HTR1D: variants seen among roughly 807,000 people sequenced by gnomAD.
The protein encoded by HTR1D is 5-hydroxytryptamine receptor 1D, also known as 5-HT-1D.
Under a neutral mutation model 21.1 loss-of-function variants are expected in HTR1D, and 18 were observed. The ratio of observed to expected loss-of-function variants is 0.85; its 90% CI spans 0.59 to 1.27. The LOEUF is 1.27. HTR1D is among the 50% of genes most tolerant of loss of function. HTR1D has a pLI of 0.00. For missense variants in HTR1D, 456 were observed against 481.4 expected (o/e 0.95, Z 0.49); for synonymous variants, 196 against 204.4 (o/e 0.96, Z 0.35).
chr1:23,216,134 G>A (rs1282845796), intron 1 of HTR1D, among the ~76,000 whole-genome samples: 1 of 152,260 alleles, frequency 6.6e-6, no homozygotes, highest in African/African-American at 2.4e-5. Flanking sequence ...ATGTCCTTGT[G>A]AGGAGGGCTG....
intron 1 of HTR1D, among the ~76,000 whole-genome samples, chr1:23,195,313 C>T (rs1331990916): frequency 2.0e-5 from 3 of 152,060 alleles, no homozygotes; most frequent in Non-Finnish European, 4.4e-5. Flanking sequence ...TAAAACTGTA[C>T]ACAGGGAACG....
In HTR1D at chr1:23,204,813, C is replaced by T. The variant is rs377673405; in HGVS notation, c.-782-9812G>A. 3.3e-5 allele frequency among the ~76,000 whole-genome samples: 5 copies of T among 152,170 alleles called. No individual in the cohort carries two copies. The South Asian group carries it at 6.2e-4, about 19-fold the overall frequency. On this transcript the variant is annotated intron_variant, in intron 1 of 1. Coordinates refer to ENST00000374619, the MANE Select transcript of HTR1D (RefSeq NM_000864.5). ...GGAGCAGAGCTGTTCCAGCCAAACC[C>T]GGCCTAGAACAGAGCCTCTCACACA... is the stretch of plus-strand genomic sequence containing the variant.
rs1644664542 is a variant in HTR1D at position 23,192,900 on chromosome 1, C to A, written c.*186G>T. ...TGAAATCTTCAGTCCTGCCCCCCGC[C>A]CCCCACCACCCACAGCTCTTTCAGA... On this transcript the variant is annotated 3_prime_UTR_variant, in exon 2 of 2. Transcript: ENST00000374619. The A allele has an allele frequency of 6.0e-6, 2 of 336,030 alleles. 1 individual carries two copies. Among genetic ancestry groups the A allele is most frequent in the Non-Finnish European group, 1.1e-5 (2 of 187,574 alleles). 20.8% of individuals were successfully genotyped at this position (336,030 alleles called of 1,614,324 possible).
chr1:23,195,924 A>T (rs778403237), intron 1 of HTR1D, among the ~76,000 whole-genome samples: 1 of 152,066 alleles, frequency 6.6e-6, no homozygotes, highest in Non-Finnish European at 1.5e-5. Context: ...GACCTCCTGG[A>T]TCAAGTGACC....
At chr1:23,204,537 C>T (rs1356267826) in intron 1 of HTR1D, among the ~76,000 whole-genome samples, 1 of 152,326 alleles carries the variant, frequency 6.6e-6, no homozygotes, top group Non-Finnish European at 1.5e-5. Flanking sequence ...AGTTTAGTGT[C>T]CCTCTCAGCT....
chr1:23,204,605 T>G (rs1185188529), intron 1 of HTR1D, among the ~76,000 whole-genome samples: 1 of 152,042 alleles, frequency 6.6e-6, no homozygotes, highest in African/African-American at 2.4e-5. Context: ...AAAAGGAGTA[T>G]TTTTTTTGTC....
At chr1:23,206,824 T>G (rs1644732722) in intron 1 of HTR1D, among the ~76,000 whole-genome samples, 1 of 152,078 alleles carries the variant, frequency 6.6e-6, no homozygotes, top group Admixed American at 6.6e-5. Context: ...AGTGTCTCAT[T>G]CACCCCTATA....
At chr1:23,212,714 C>T (rs1166601019) in intron 1 of HTR1D, among the ~76,000 whole-genome samples, 2 of 152,056 alleles carry the variant, frequency 1.3e-5, no homozygotes, top group Non-Finnish European at 2.9e-5. Flanking sequence ...CTTTCTTTGA[C>T]CCCTCTCTCT....
rs545709938 is a variant in HTR1D, at chr1:23,210,222, T to C, written c.-783+7069A>G. Among the ~76,000 whole-genome samples the C allele has an allele frequency of 3.2e-4, 49 of 152,222 alleles. No homozygotes were observed. In the South Asian group the frequency reaches 9.8e-3, roughly 30 times the overall value. ...TTTCTTTAGTAGCTGGGACTACAGG[T>C]ATGTGCCACCATGCCCGGCTAATTT... On this transcript the variant is annotated intron_variant, in intron 1 of 1. Coordinates refer to ENST00000374619, the MANE Select transcript of HTR1D (RefSeq NM_000864.5).
chr1:23,199,646 C>T (rs111474576), intron 1 of HTR1D, among the ~76,000 whole-genome samples: 132 of 151,532 alleles, frequency 8.7e-4, no homozygotes, highest in African/African-American at 3.0e-3. Context: ...AATTGTTATT[C>T]GTGTGTGTGT....
chr1:23,205,605 G>A lies in HTR1D; in HGVS notation c.-782-10604C>T, dbSNP rs141317174. Reference sequence around the variant, plus strand: ...GTTGCCCAGGCTGGAGTGCAATGGCGCTATCTTAGCTCATTGCAACTTCCG... The same window carrying A: ...GTTGCCCAGGCTGGAGTGCAATGGCACTATCTTAGCTCATTGCAACTTCCG... On this transcript the variant is annotated intron_variant, in intron 1 of 1. Coordinates refer to ENST00000374619, the MANE Select transcript of HTR1D (RefSeq NM_000864.5). Among the ~76,000 whole-genome samples the A allele has an allele frequency of 1.1e-4, 16 of 152,272 alleles. No individual in the cohort carries two copies. In the East Asian group the frequency reaches 1.9e-3, roughly 18 times the overall value.
rs1039424862 is a variant in HTR1D, at chr1:23,217,412, C to T, written c.-904G>A. Among the ~76,000 whole-genome samples the T allele has an allele frequency of 6.6e-6, 1 of 152,002 alleles. No homozygotes were observed. Among genetic ancestry groups the T allele is most frequent in the Non-Finnish European group, 1.5e-5 (1 of 67,916 alleles). ...GACCCCCGCCGAACTCGGGGGCCGC[C>T]CGCCCCGCCGCCCCGGGGCCCTTTC... On this transcript the variant is annotated 5_prime_UTR_variant, in exon 1 of 2. Coordinates refer to ENST00000374619, the MANE Select transcript of HTR1D (RefSeq NM_000864.5). This position sits in a 1 kb window ranked among gnomAD's most constrained non-coding sequence, Gnocchi z 4.6.
At chr1:23,199,169 A>G (rs577011066) in intron 1 of HTR1D, among the ~76,000 whole-genome samples, 67 of 152,016 alleles carry the variant, frequency 4.4e-4, no homozygotes, top group Non-Finnish European at 8.7e-4. Flanking sequence ...GCTGGAGTGC[A>G]GGGGCATGAT....
chr1:23,202,445 C>G (rs971164172), intron 1 of HTR1D, among the ~76,000 whole-genome samples: 2 of 152,168 alleles, frequency 1.3e-5, no homozygotes, highest in African/African-American at 2.4e-5. Flanking sequence ...CAAAAGCTTC[C>G]TATCCAGGGC....
chr1:23,215,237 C>T (rs965240981), intron 1 of HTR1D, among the ~76,000 whole-genome samples: 5 of 152,000 alleles, frequency 3.3e-5, no homozygotes, highest in Non-Finnish European at 7.4e-5. Flanking sequence ...GGCAACATGG[C>T]GACACCCTGT....
chr1:23,206,340 CT>C (rs535313377), intron 1 of HTR1D, among the ~76,000 whole-genome samples: 136 of 152,262 alleles, frequency 8.9e-4, no homozygotes, highest in Admixed American at 1.8e-3. Context: ...CAGAATCTTC[CT>C]TTCAACTAAC....
chr1:23,207,567 T>G (rs1644736784), intron 1 of HTR1D, among the ~76,000 whole-genome samples: 1 of 152,180 alleles, frequency 6.6e-6, no homozygotes. Context: ...GTTATCTTCA[T>G]CACTGACAAT....
intron 1 of HTR1D, among the ~76,000 whole-genome samples, chr1:23,202,092 TTTTG>T (rs578000157): frequency 2.8e-4 from 42 of 151,880 alleles, no homozygotes; most frequent in East Asian, 2.3e-3. Flanking sequence ...GTTGTTGTTG[TTTTG>T]TTTGTTTGTT....
At chr1:23,200,809 T>A (rs374220954) in intron 1 of HTR1D, among the ~76,000 whole-genome samples, 32 of 152,276 alleles carry the variant, frequency 2.1e-4, no homozygotes, top group African/African-American at 7.2e-4. Flanking sequence ...GTGAGAGATG[T>A]CTGCCATTGT....
Sources: allele counts gnomAD v4.1 joint callset (sites outside exome capture counted in the v4.1 genomes callset), GRCh38; gene constraint gnomAD v4.1.1; non-coding constraint Gnocchi (gnomAD v3.1); transcripts MANE v1.5; gene names NCBI Gene and HGNC (gene_info 2026-07-23, HGNC 2026-07-21).